PAX5: variants seen among roughly 807,000 people sequenced by gnomAD.
The protein encoded by PAX5 is paired box protein Pax-5.
Under a neutral mutation model 43.7 loss-of-function variants are expected in PAX5, and 9 were observed. The ratio of observed to expected loss-of-function variants is 0.21; its 90% CI spans 0.12 to 0.36. The LOEUF (loss-of-function observed/expected upper bound fraction) is 0.36. Ranked by LOEUF, PAX5 falls within the 10% of genes least tolerant of loss-of-function variation. The pLI, the probability that PAX5 is intolerant of heterozygous loss-of-function variation, is 1.00. For missense variants in PAX5, 383 were observed against 532.7 expected (o/e 0.72, Z 2.77); for synonymous variants, 228 against 214.3 (o/e 1.06, Z -0.56).
chr9:36,940,229 C>T (rs1831932169), intron 6 of PAX5, among the ~76,000 whole-genome samples: 1 of 152,152 alleles, frequency 6.6e-6, no homozygotes, highest in Non-Finnish European at 1.5e-5. Flanking sequence ...TGTAATGGCC[C>T]GACTGCAGCC....
chr9:36,978,168 C>T (rs547436028), intron 5 of PAX5, among the ~76,000 whole-genome samples: 2 of 152,342 alleles, frequency 1.3e-5, no homozygotes, highest in East Asian at 3.9e-4. Context: ...GGAAGTAATA[C>T]CTGGTGCATT....
At chr9:36,956,881 A>G in intron 6 of PAX5, among the ~76,000 whole-genome samples, 1 of 152,210 alleles carries the variant, frequency 6.6e-6, no homozygotes, top group East Asian at 1.9e-4. Context: ...GGGAGCAACA[A>G]TTCCAGAATA....
chr9:36,878,346 G>A (rs1011712635), intron 8 of PAX5, among the ~76,000 whole-genome samples: 7 of 152,246 alleles, frequency 4.6e-5, no homozygotes, highest in African/African-American at 1.4e-4. Context: ...AGGTCCCAGT[G>A]AGAGTGATGG....
intron 5 of PAX5, among the ~76,000 whole-genome samples, chr9:36,975,978 G>A (rs540381917): frequency 6.6e-6 from 1 of 152,306 alleles, no homozygotes; most frequent in Non-Finnish European, 1.5e-5. Flanking sequence ...TTGAGGGCTT[G>A]CAGGGCTGTA....
chr9:36,932,053 T>A (rs1454373045), intron 6 of PAX5, among the ~76,000 whole-genome samples: 2 of 151,956 alleles, frequency 1.3e-5, no homozygotes, highest in African/African-American at 2.4e-5. Context: ...GGCAGGAGGA[T>A]TACTTGAGGC....
At chr9:36,942,553 G>A (rs1162748177) in intron 6 of PAX5, among the ~76,000 whole-genome samples, 2 of 152,202 alleles carry the variant, frequency 1.3e-5, no homozygotes, top group African/African-American at 4.8e-5. Context: ...GGACCCAGGG[G>A]TGGGACGTGT....
chr9:36,954,856 T>G (rs990598911), intron 6 of PAX5, among the ~76,000 whole-genome samples: 1 of 152,230 alleles, frequency 6.6e-6, no homozygotes, highest in African/African-American at 2.4e-5. Context: ...TGTTGGACTT[T>G]CTCATGATAT....
At chr9:36,863,392 G>A (rs188798364) in intron 8 of PAX5, among the ~76,000 whole-genome samples, 1 of 152,330 alleles carries the variant, frequency 6.6e-6, no homozygotes, top group East Asian at 1.9e-4. Context: ...GCCTCCCCGA[G>A]TGCTGGGATT....
At chr9:36,940,394 A>G (rs1033992122) in intron 6 of PAX5, among the ~76,000 whole-genome samples, 2 of 152,136 alleles carry the variant, frequency 1.3e-5, no homozygotes, top group African/African-American at 2.4e-5. Flanking sequence ...ATAATAAATC[A>G]TGACGTCTGC....
intron 7 of PAX5, among the ~76,000 whole-genome samples, chr9:36,892,088 T>C (rs1304449478): frequency 1.3e-5 from 2 of 152,222 alleles, no homozygotes; most frequent in South Asian, 2.1e-4. Flanking sequence ...AACCAGCAAC[T>C]GTTGAGCCAA....
intron 6 of PAX5, among the ~76,000 whole-genome samples, chr9:36,934,266 G>A (rs1035831674): frequency 3.9e-5 from 6 of 152,260 alleles, no homozygotes; most frequent in African/African-American, 1.4e-4. Context: ...AGAAAGCCCA[G>A]AAGAGAGATC....
intron 8 of PAX5, chr9:36,856,433 C>T (rs1823675190): frequency 6.6e-6 from 1 of 152,246 alleles, no homozygotes; most frequent in South Asian, 2.1e-4. Flanking sequence ...CTGCAGGCCT[C>T]AGTAGGCCTC....
intron 8 of PAX5, among the ~76,000 whole-genome samples, chr9:36,859,294 C>T (rs956055350): frequency 3.3e-5 from 5 of 152,116 alleles, no homozygotes; most frequent in Admixed American, 3.3e-4. Context: ...AGGCTGGGGC[C>T]AGTGTGTTTG....
chr9:36,927,603 C>T (rs1296676310), intron 6 of PAX5, among the ~76,000 whole-genome samples: 3 of 152,200 alleles, frequency 2.0e-5, no homozygotes, highest in African/African-American at 7.2e-5. Flanking sequence ...CACTGGCTCC[C>T]AGAAAGCAAA....
chr9:36,899,905 T>C lies in PAX5; in HGVS notation c.911-17800A>G, dbSNP rs1180427192. Among the ~76,000 whole-genome samples the C allele has an allele frequency of 2.0e-5, 3 of 152,200 alleles. No homozygotes were observed. In the South Asian group the frequency reaches 6.2e-4, roughly 31 times the overall value. ...CCTTTCTTCAGGTGGTTTCTGGCCA[T>C]GTGCAGATTCCCTTGGGCTTTCATT... On this transcript the variant is annotated intron_variant, in intron 7 of 9. Coordinates refer to ENST00000358127, the MANE Select transcript of PAX5 (RefSeq NM_016734.3).
intron 1 of PAX5, among the ~76,000 whole-genome samples, chr9:37,032,358 C>T (rs1362363519): frequency 1.3e-5 from 2 of 152,170 alleles, no homozygotes; most frequent in African/African-American, 2.4e-5. Flanking sequence ...GCCTCATTCC[C>T]CACACATACA....
chr9:36,939,200 T>A (rs1221765957), intron 6 of PAX5, among the ~76,000 whole-genome samples: 1 of 152,160 alleles, frequency 6.6e-6, no homozygotes, highest in African/African-American at 2.4e-5. Context: ...ACCCTTTCTT[T>A]CTTAAAATAA....
intron 6 of PAX5, among the ~76,000 whole-genome samples, chr9:36,957,025 C>G (rs60583013): frequency 6.6e-6 from 1 of 151,404 alleles, no homozygotes; most frequent in Non-Finnish European, 1.5e-5. Context: ...TTGTCCCCCC[C>G]ACTTCCACCC....
At chr9:36,868,760 G>T (rs950380927) in intron 8 of PAX5, among the ~76,000 whole-genome samples, 4 of 152,036 alleles carry the variant, frequency 2.6e-5, no homozygotes, top group Non-Finnish European at 5.9e-5. Flanking sequence ...AGTTCCAGGC[G>T]CCAAGCCCAG....
Sources: gnomAD v4.1 joint callset for allele counts (sites outside exome capture counted in the v4.1 genomes callset) on GRCh38, gnomAD v4.1.1 for gene constraint, MANE v1.5 for transcripts, NCBI Gene and HGNC (gene_info 2026-07-23, HGNC 2026-07-21) for gene names.